HERC4: variants seen among roughly 807,000 people sequenced by gnomAD.
HERC4 encodes the protein HECT and RLD domain containing E3 ubiquitin protein ligase 4, also known as probable E3 ubiquitin-protein ligase HERC4.
In HERC4, 28 loss-of-function variants were observed where a neutral mutation model predicts 124.3. The observed-to-expected ratio is 0.23, with a 90% CI of 0.17 to 0.31. HERC4 has a LOEUF of 0.31. Ranked by LOEUF, HERC4 falls within the 10% of genes least tolerant of loss-of-function variation. The pLI, the probability that HERC4 is intolerant of heterozygous loss-of-function variation, is 1.00. For synonymous variants in HERC4, 407 were observed against 421.5 expected (o/e 0.97, Z 0.42); for missense variants, 713 against 1,229.3 (o/e 0.58, Z 6.28).
At chr10:67,995,177 G>A in intron 9 of HERC4, 1 of 439,446 alleles carries the variant, frequency 2.3e-6, no homozygotes. Flanking sequence ...GGTTATTTCA[G>A]TAAAACTACT....
chr10:68,028,349 A>G (rs1475555690), intron 7 of HERC4, among the ~76,000 whole-genome samples: 1 of 151,810 alleles, frequency 6.6e-6, no homozygotes, highest in Non-Finnish European at 1.5e-5. Flanking sequence ...ACAAAAATTC[A>G]TGGATTTTTT....
chr10:67,944,909 A>G (rs1018079478), intron 19 of HERC4, among the ~76,000 whole-genome samples: 7 of 152,212 alleles, frequency 4.6e-5, no homozygotes, highest in African/African-American at 9.6e-5. Context: ...CAATCAGAGG[A>G]GCCAAAAGAA....
intron 22 of HERC4, 32 bp from the exon 23 acceptor site, chr10:67,932,812 A>T (rs1370668637): frequency 6.5e-6 from 10 of 1,539,430 alleles, no homozygotes; most frequent in Non-Finnish European, 8.7e-6. Context: ...TGTACAGATT[A>T]TAAAAATCAT....
chr10:67,925,277 C>G (rs1249559537), intron 23 of HERC4, 90 bp from the exon 24 acceptor site: 1 of 660,456 alleles, frequency 1.5e-6, no homozygotes, highest in African/African-American at 1.9e-5. Flanking sequence ...TAGTTTGCAA[C>G]TTGTGCAATT....
At chr10:68,061,557 A>AAG (rs1206418267) in intron 3 of HERC4, among the ~76,000 whole-genome samples, 4 of 148,974 alleles carry the variant, frequency 2.7e-5, no homozygotes, top group African/African-American at 9.9e-5. Context: ...AAAAAAAAAA[A>AAG]AAAGGAATAG....
At chr10:68,064,955 A>G (rs2041227865) in intron 3 of HERC4, among the ~76,000 whole-genome samples, 1 of 151,628 alleles carries the variant, frequency 6.6e-6, no homozygotes, top group African/African-American at 2.4e-5. Flanking sequence ...TGGGTGACAG[A>G]GCAAGGCTCC....
At chr10:67,980,655 A>C (rs1286014532) in intron 15 of HERC4, among the ~76,000 whole-genome samples, 1 of 152,228 alleles carries the variant, frequency 6.6e-6, no homozygotes, top group Non-Finnish European at 1.5e-5. Context: ...AAGTAGAGAG[A>C]CTATAAACAA....
In HERC4 at chr10:67,988,654, TG is replaced by T; in HGVS notation, c.1806+8del. On this transcript the variant is annotated splice_region_variant and intron_variant, in intron 15 of 24. Coordinates refer to ENST00000373700, the MANE Select transcript of HERC4 (RefSeq NM_015601.4). ...GGAAAGAGGAAAATAAAGGAATGAT[TG>T]GACATACCCTATGTAGTATTTCTAA... 1 of 1,478,456 alleles carries T rather than the reference TG, an allele frequency of 6.8e-7. No homozygotes were observed. Among genetic ancestry groups the T allele is most frequent in the Non-Finnish European group, 9.1e-7 (1 of 1,093,124 alleles). The allele number at this position is 1,478,456 out of a possible 1,614,324, so 91.6% of individuals were successfully genotyped here. A position where few individuals can be genotyped will look rare whatever the true frequency, so the allele number is the denominator to read the frequency against.
chr10:68,073,276 T>C (rs145893546), intron 2 of HERC4, 90 bp from the exon 3 acceptor site: 13 of 587,934 alleles, frequency 2.2e-5, no homozygotes, highest in East Asian at 5.6e-5. Context: ...AATTGCTACA[T>C]GGTAAACATT....
At chr10:67,957,516 CTAT>C (rs2034219347) in intron 16 of HERC4, among the ~76,000 whole-genome samples, 2 of 152,126 alleles carry the variant, frequency 1.3e-5, no homozygotes, top group African/African-American at 2.4e-5. Context: ...GAGAACTGAT[CTAT>C]TATTATCATT....
chr10:68,003,152 T>C (rs2037329771), intron 9 of HERC4, among the ~76,000 whole-genome samples: 2 of 150,444 alleles, frequency 1.3e-5, no homozygotes, highest in Non-Finnish European at 3.0e-5. Flanking sequence ...CTATTAACTA[T>C]ATTTTTATAC....
At chr10:68,074,449 T>C (rs1192718097) in intron 1 of HERC4, among the ~76,000 whole-genome samples, 1 of 152,082 alleles carries the variant, frequency 6.6e-6, no homozygotes, top group East Asian at 1.9e-4. Flanking sequence ...TCTTCCCATA[T>C]TTAAAAACAA....
chr10:68,010,558 C>T, intron 9 of HERC4: 1 of 1,034,500 alleles, frequency 9.7e-7, no homozygotes, highest in Non-Finnish European at 1.5e-6. Context: ...AACACATTCT[C>T]CAGGTTCTCA....
At chr10:68,050,773 C>T (rs2040254949) in intron 3 of HERC4, among the ~76,000 whole-genome samples, 1 of 152,066 alleles carries the variant, frequency 6.6e-6, no homozygotes, top group South Asian at 2.1e-4. Context: ...AGACATTTTA[C>T]ATCCAAGTCA....
chr10:68,035,674 A>G (rs185386213), intron 5 of HERC4, among the ~76,000 whole-genome samples: 265 of 152,088 alleles, frequency 1.7e-3, no homozygotes, highest in Non-Finnish European at 3.2e-3. Flanking sequence ...TATGTTTCCA[A>G]TCTCTTCTCA....
At chr10:68,032,051 C>T (rs574172280) in intron 7 of HERC4, among the ~76,000 whole-genome samples, 4 of 152,134 alleles carry the variant, frequency 2.6e-5, no homozygotes, top group East Asian at 1.9e-4. Context: ...TGTGCCCGGA[C>T]GTTAATGTCT....
intron 3 of HERC4, chr10:68,068,709 T>C (rs1199410611): frequency 1.3e-5 from 2 of 152,094 alleles, no homozygotes; most frequent in Non-Finnish European, 2.9e-5. Flanking sequence ...AAAATACTGA[T>C]GGAAACCAGC....
intron 12 of HERC4, 54 bp downstream of exon 12, chr10:67,991,086 C>T: frequency 2.2e-6 from 3 of 1,353,060 alleles, no homozygotes; most frequent in Non-Finnish European, 3.0e-6. Context: ...ATTTGATATA[C>T]TATTTAAGAC....
At chr10:68,071,668 G>A (rs924475758) in intron 3 of HERC4, among the ~76,000 whole-genome samples, 8 of 152,186 alleles carry the variant, frequency 5.3e-5, no homozygotes, top group African/African-American at 1.9e-4. Context: ...CTCAATGCCT[G>A]AGATCATGAA....
Sources: allele counts gnomAD v4.1 joint callset (sites outside exome capture counted in the v4.1 genomes callset), GRCh38; gene constraint gnomAD v4.1.1; transcripts MANE v1.5; gene names NCBI Gene and HGNC (gene_info 2026-07-23, HGNC 2026-07-21).